NBPF11: variants seen among roughly 807,000 people sequenced by gnomAD.
NBPF11 encodes NBPF family member NBPF11.
In NBPF11, 72 loss-of-function variants were observed where a neutral mutation model predicts 93.9. That is an observed-to-expected ratio of 0.77 (90% confidence interval 0.63 to 0.93). The LOEUF (loss-of-function observed/expected upper bound fraction) is 0.93, where lower values mean the gene tolerates loss of function less well. Ranked by LOEUF, NBPF11 falls within the 40% of genes least tolerant of loss-of-function variation. The probability of loss-of-function intolerance (pLI) is 0.00; values close to 1 mark genes in which losing one functional copy is unlikely to be tolerated. For missense variants in NBPF11, 705 were observed against 802.2 expected, an observed-to-expected ratio of 0.88 and a Z score of 1.46; for synonymous variants, 224 against 304.9, an observed-to-expected ratio of 0.73 and a Z score of 2.76.
In NBPF11 at chr1:148,124,076, A is replaced by T; in HGVS notation, c.279-9T>A. On this transcript the variant is annotated splice_polypyrimidine_tract_variant and intron_variant, in intron 6 of 23. Coordinates refer to ENST00000682118, the MANE Select transcript of NBPF11 (RefSeq NM_001385469.3). ...CCAGGACTTTATATTGCCTAAGGTGAGACGGTAGAGAAAATTTAACAGTGA... is the reference window on the plus strand; with the variant it reads ...CCAGGACTTTATATTGCCTAAGGTGTGACGGTAGAGAAAATTTAACAGTGA... The T allele has an allele frequency of 1.2e-6, 2 of 1,606,380 alleles. No individual in the cohort carries two copies. Among genetic ancestry groups the T allele is most frequent in the Admixed American group, 1.7e-5 (1 of 59,992 alleles).
intron 8 of NBPF11, 35 bp from the exon 9 acceptor site, chr1:148,122,301 T>A: frequency 6.2e-7 from 1 of 1,610,002 alleles, no homozygotes; most frequent in Non-Finnish European, 8.5e-7. Flanking sequence ...TGACAGAAGA[T>A]TAAACACAGA....
intron 13 of NBPF11, 22 bp downstream of exon 13, chr1:148,116,441 G>A (rs1666569916): frequency 4.1e-6 from 3 of 727,054 alleles, no homozygotes; most frequent in Non-Finnish European, 7.5e-6. Flanking sequence ...TCCATTAATT[G>A]TTCCTGAGTA....
chr1:148,112,293 C>T (rs1261481612), intron 15 of NBPF11, among the ~76,000 whole-genome samples: 19 of 123,718 alleles, frequency 1.5e-4, no homozygotes, highest in Non-Finnish European at 2.5e-4. Context: ...CCTAATGCTA[C>T]CCCTCCTCCC....
intron 7 of NBPF11, among the ~76,000 whole-genome samples, chr1:148,123,400 A>C (rs1353816663): frequency 6.6e-6 from 1 of 152,238 alleles, no homozygotes. Context: ...CCATATTTGG[A>C]TGCTTCAGAC....
rs1345029247 is a variant in NBPF11, at chr1:148,137,359, C to T, written c.-178+352G>A. Among the ~76,000 whole-genome samples the T allele has an allele frequency of 3.3e-3, 503 of 151,544 alleles. 3 individuals carry two copies. Among genetic ancestry groups the T allele is most frequent in the Admixed American group, 6.4e-3 (98 of 15,248 alleles). On this transcript the variant is annotated intron_variant, in intron 3 of 23. Transcript: ENST00000682118. ...ACTGTCTCCCCGCTGACAGCCAGCA[C>T]AGAAAAAGGGCCCTCAGTCCCCCAC... is the stretch of plus-strand genomic sequence containing the variant.
At chr1:148,108,742 G>A in intron 17 of NBPF11, 88 bp from the exon 18 acceptor site, 1 of 794,626 alleles carries the variant, frequency 1.3e-6, no homozygotes, top group Non-Finnish European at 2.2e-6. Context: ...ACATGAGGAA[G>A]AGTTTGAAAA....
At chr1:148,111,607 G>A (rs1665290026) in intron 15 of NBPF11, among the ~76,000 whole-genome samples, 2 of 151,204 alleles carry the variant, frequency 1.3e-5, no homozygotes, top group Non-Finnish European at 2.9e-5. Context: ...CGTGATGCAT[G>A]CACAAGCTTC....
chr1:148,136,340 T>C (rs1372022698), intron 3 of NBPF11, among the ~76,000 whole-genome samples: 3 of 151,538 alleles, frequency 2.0e-5, no homozygotes, highest in Non-Finnish European at 4.4e-5. Context: ...AATACAAGAA[T>C]GGATACATTC....
Position 148,108,842 on chromosome 1 carries a change from GACACACACACACAC to G in NBPF11, c.1854-202_1854-189del, listed in dbSNP as rs71270029. Reference sequence around the variant, plus strand: ...CAGGTAGAAAAGGATGAAAGAGAAAGACACACACACACACACACACACACACACACACACACACA... The same window carrying G: ...CAGGTAGAAAAGGATGAAAGAGAAAGACACACACACACACACACACACACA... On this transcript the variant is annotated intron_variant, in intron 17 of 23. Coordinates refer to ENST00000682118, the MANE Select transcript of NBPF11 (RefSeq NM_001385469.3). Among the ~76,000 whole-genome samples the G allele has an allele frequency of 2.7e-3, 305 of 112,856 alleles. 1 individual carries two copies. Among genetic ancestry groups the G allele is most frequent in the African/African-American group, 7.8e-3 (226 of 28,954 alleles). 74.0% of individuals were successfully genotyped at this position (112,856 alleles called of 152,430 possible).
chr1:148,146,660 T>C, intron 1 of NBPF11: 1 of 1,611,654 alleles, frequency 6.2e-7, no homozygotes, highest in South Asian at 1.1e-5. Flanking sequence ...ATCGAGGTCT[T>C]CCCCACCAAG....
intron 2 of NBPF11, among the ~76,000 whole-genome samples, chr1:148,140,786 T>C (rs1271278149): frequency 6.6e-6 from 1 of 151,698 alleles, no homozygotes; most frequent in Non-Finnish European, 1.5e-5. Flanking sequence ...ACCAGAACTC[T>C]CCATAGCTAG....
Position 148,119,801 on chromosome 1 carries a change from A to G in NBPF11, c.988+700T>C, listed in dbSNP as rs1447280657. The stretch of plus-strand genomic sequence containing the variant: ...CTCCTGAGCAGGGGTGATTACAGTC[A>G]CCTGCCACCACGCCCATCTACTTTT... On this transcript the variant is annotated intron_variant, in intron 10 of 23. Coordinates refer to ENST00000682118, the MANE Select transcript of NBPF11 (RefSeq NM_001385469.3). Among the ~76,000 whole-genome samples, 4 of 151,880 alleles carry G rather than the reference A, an allele frequency of 2.6e-5. No individual in the cohort carries two copies. The East Asian group carries it at 7.7e-4, about 29-fold the overall frequency.
Position 148,105,361 on chromosome 1 carries a change from T to A in NBPF11, c.2471A>T (p.Glu824Val). 2 of 797,960 alleles carry A rather than the reference T, an allele frequency of 2.5e-6. No individual in the cohort carries two copies. The highest frequency in any genetic ancestry group is 2.2e-6 in the Non-Finnish European group (1 of 445,890). 49.4% of individuals were successfully genotyped at this position (797,960 alleles called of 1,614,324 possible). The change falls in exon 22 of 24, where the codon GAG becomes GTG. Residue 824 changes from glutamate (E) to valine (V), a missense_variant and splice_region_variant. This residue lies in a region of NBPF11 where 109 missense variants were observed against 83.3 expected (regional missense o/e 1.31). Coordinates refer to ENST00000682118, the MANE Select transcript of NBPF11 (RefSeq NM_001385469.3). The stretch of plus-strand genomic sequence containing the variant: ...TCACCTTCATAGAAAGGTACTCACC[T>A]CCCACGTCAAGAGAAAAGCCAACAT... Reference protein sequence around the residue: ...KNMLAFLLTWEKLKRRGRGRK... With the variant: ...KNMLAFLLTWVKLKRRGRGRK...
intron 14 of NBPF11, among the ~76,000 whole-genome samples, chr1:148,115,400 GA>G (rs1244561351): frequency 2.0e-5 from 3 of 149,730 alleles, no homozygotes; most frequent in Non-Finnish European, 4.4e-5. Flanking sequence ...GAAACCTGGG[GA>G]AAAATATTTC....
chr1:148,109,621 T>C (rs1212591394), intron 16 of NBPF11, among the ~76,000 whole-genome samples: 1 of 144,576 alleles, frequency 6.9e-6, no homozygotes, highest in East Asian at 1.9e-4. Context: ...CAATAAATTG[T>C]AGGCAAATAG....
At chr1:148,114,830 A>C (rs1409090709) in intron 14 of NBPF11, among the ~76,000 whole-genome samples, 5 of 151,100 alleles carry the variant, frequency 3.3e-5, no homozygotes, top group Non-Finnish European at 7.4e-5. Context: ...TCACCAGGTA[A>C]CATGGACATT....
At chr1:148,111,044 T>C (rs1260382863) in intron 15 of NBPF11, among the ~76,000 whole-genome samples, 3 of 151,616 alleles carry the variant, frequency 2.0e-5, no homozygotes, top group African/African-American at 2.4e-5. Context: ...AGAAAGCATA[T>C]ATACATCTCT....
intron 1 of NBPF11, chr1:148,146,443 C>T: frequency 1.9e-6 from 3 of 1,604,434 alleles, no homozygotes; most frequent in Non-Finnish European, 2.5e-6. Flanking sequence ...CTGCTGCCCT[C>T]CCTGCCCCGG....
In NBPF11 at chr1:148,103,843, C is replaced by T. The variant is rs1360681317; in HGVS notation, c.*53G>A. The T allele has an allele frequency of 2.4e-5, 38 of 1,611,306 alleles. 1 individual carries two copies. Among genetic ancestry groups the T allele is most frequent in the African/African-American group, 8.0e-5 (6 of 74,728 alleles). On this transcript the variant is annotated 3_prime_UTR_variant, in exon 24 of 24. Transcript: ENST00000682118. ...GTAGTTCAAAGTACATTGATGGAGT[C>T]GAATAATATCTATCCAGTGAGTCCT...
Sources: allele counts gnomAD v4.1 joint callset (sites outside exome capture counted in the v4.1 genomes callset), GRCh38; gene constraint gnomAD v4.1.1; regional missense constraint gnomAD v4.1.1; transcripts MANE v1.5; gene names NCBI Gene and HGNC (gene_info 2026-07-23, HGNC 2026-07-21).